PCDH9: variants seen among roughly 807,000 people sequenced by gnomAD.
PCDH9 encodes the protein protocadherin 9.
Under a neutral mutation model 70.6 loss-of-function variants are expected in PCDH9, and 24 were observed. The observed-to-expected ratio is 0.34, with a 90% CI of 0.25 to 0.48. The LOEUF (loss-of-function observed/expected upper bound fraction) is 0.48. Among genes scored for constraint, PCDH9 ranks in the 20% least tolerant of loss-of-function variants. The pLI is 0.99. For missense variants in PCDH9, 1,281 were observed against 1,503.6 expected (o/e 0.85, Z 2.45); for synonymous variants, 562 against 558.5 (o/e 1.01, Z -0.09).
chr13:66,999,211 T>C (rs1278159989), intron 2 of PCDH9, among the ~76,000 whole-genome samples: 1 of 152,172 alleles, frequency 6.6e-6, no homozygotes, highest in East Asian at 1.9e-4. Context: ...TAAAATGTCA[T>C]TTAATATCTA....
intron 3 of PCDH9, among the ~76,000 whole-genome samples, chr13:66,809,640 T>G (rs1162785029): frequency 6.6e-6 from 1 of 152,226 alleles, no homozygotes; most frequent in Non-Finnish European, 1.5e-5. Context: ...GTTTAGTATC[T>G]ACATGTAGAG....
chr13:66,769,336 C>A (rs1453510402), intron 3 of PCDH9, among the ~76,000 whole-genome samples: 1 of 152,242 alleles, frequency 6.6e-6, no homozygotes, highest in African/African-American at 2.4e-5. Context: ...TTACACCCAT[C>A]ATAAACTGCT....
At chr13:66,305,599 T>C (rs1955452097) in intron 4 of PCDH9, among the ~76,000 whole-genome samples, 1 of 152,152 alleles carries the variant, frequency 6.6e-6, no homozygotes, top group Admixed American at 6.6e-5. Flanking sequence ...AAATATTTTG[T>C]CACATTTTTG....
At chr13:66,658,371 T>C (rs763970827) in intron 3 of PCDH9, among the ~76,000 whole-genome samples, 6 of 152,192 alleles carry the variant, frequency 3.9e-5, no homozygotes, top group Non-Finnish European at 8.8e-5. Context: ...ATTATTTATG[T>C]GTCTGTTCCA....
intron 2 of PCDH9, among the ~76,000 whole-genome samples, chr13:67,149,068 C>T (rs2087594119): frequency 6.6e-6 from 1 of 152,148 alleles, no homozygotes; most frequent in Non-Finnish European, 1.5e-5. Flanking sequence ...CTCTCAAGTT[C>T]CTGCTCTAAC....
intron 4 of PCDH9, among the ~76,000 whole-genome samples, chr13:66,610,743 T>C (rs2077284261): frequency 6.6e-6 from 1 of 152,212 alleles, no homozygotes; most frequent in Non-Finnish European, 1.5e-5. Flanking sequence ...ATGAAGCACC[T>C]TCTTTCATGT....
At chr13:67,077,489 T>C (rs2085900835) in intron 2 of PCDH9, among the ~76,000 whole-genome samples, 1 of 152,186 alleles carries the variant, frequency 6.6e-6, no homozygotes, top group African/African-American at 2.4e-5. Flanking sequence ...CACTTTCTTT[T>C]CTTACAAATA....
chr13:66,845,186 A>C (rs760514121), intron 3 of PCDH9, among the ~76,000 whole-genome samples: 83 of 152,046 alleles, frequency 5.5e-4, no homozygotes, highest in Non-Finnish European at 5.3e-4. Context: ...TCTGCCTCCG[A>C]CCGCTGTTCA....
At chr13:66,960,253 T>A (rs1015512581) in intron 2 of PCDH9, among the ~76,000 whole-genome samples, 1 of 152,140 alleles carries the variant, frequency 6.6e-6, no homozygotes, top group Admixed American at 6.6e-5. Context: ...CAAAAGCAGT[T>A]TAAAAGAAAA....
At chr13:66,645,291 A>G (rs2077757013) in intron 3 of PCDH9, among the ~76,000 whole-genome samples, 1 of 152,094 alleles carries the variant, frequency 6.6e-6, no homozygotes, top group Admixed American at 6.6e-5. Context: ...CCATGCATAT[A>G]ATCTCCCGTA....
At chr13:67,221,617 T>G (rs1386594447) in intron 2 of PCDH9, 1 of 152,118 alleles carries the variant, frequency 6.6e-6, no homozygotes, top group African/African-American at 2.4e-5. Context: ...ACAGACTGTT[T>G]TACTACTTGA....
intron 4 of PCDH9, among the ~76,000 whole-genome samples, chr13:66,409,596 A>C (rs918544836): frequency 6.6e-6 from 1 of 152,156 alleles, no homozygotes; most frequent in Non-Finnish European, 1.5e-5. Flanking sequence ...TGTCACCAGC[A>C]CCGAAACTAG....
chr13:66,918,262 T>A (rs567658439), intron 2 of PCDH9, among the ~76,000 whole-genome samples: 139 of 151,068 alleles, frequency 9.2e-4, no homozygotes, highest in Non-Finnish European at 4.2e-4. Flanking sequence ...AGAGAAAAAT[T>A]GCCTTATTTA....
chr13:67,100,522 G>C (rs1249506590), intron 2 of PCDH9, among the ~76,000 whole-genome samples: 2 of 152,114 alleles, frequency 1.3e-5, no homozygotes, highest in Non-Finnish European at 2.9e-5. Context: ...ATCATAAATT[G>C]CATGTATATA....
intron 3 of PCDH9, among the ~76,000 whole-genome samples, chr13:66,852,844 T>C (rs1004545798): frequency 3.3e-5 from 5 of 152,144 alleles, no homozygotes; most frequent in African/African-American, 7.2e-5. Context: ...CTGAACTCCA[T>C]AGCAAATCTA....
chr13:67,110,989 C>T (rs1326000614), intron 2 of PCDH9, among the ~76,000 whole-genome samples: 2 of 152,164 alleles, frequency 1.3e-5, no homozygotes, highest in East Asian at 3.9e-4. Flanking sequence ...ATATTCCTAG[C>T]ATTTAGAACA....
intron 3 of PCDH9, among the ~76,000 whole-genome samples, chr13:66,645,301 AGT>A (rs2077757254): frequency 6.6e-6 from 1 of 152,112 alleles, no homozygotes; most frequent in Non-Finnish European, 1.5e-5. Context: ...AATCTCCCGT[AGT>A]GTTTGCAGGG....
At chr13:66,831,229 C>T (rs2080919866) in intron 3 of PCDH9, among the ~76,000 whole-genome samples, 2 of 152,136 alleles carry the variant, frequency 1.3e-5, no homozygotes, top group South Asian at 4.1e-4. Flanking sequence ...ACTATTATTT[C>T]TATTGGCTTG....
At chr13:67,224,803 T>C in intron 2 of PCDH9, 1 of 887,416 alleles carries the variant, frequency 1.1e-6, no homozygotes, top group Middle Eastern at 5.9e-4. Flanking sequence ...GTACCGAATT[T>C]AATATATTAC....
Sources: gnomAD v4.1 joint callset for allele counts (sites outside exome capture counted in the v4.1 genomes callset) on GRCh38, gnomAD v4.1.1 for gene constraint, MANE v1.5 for transcripts, NCBI Gene and HGNC (gene_info 2026-07-23, HGNC 2026-07-21) for gene names.